Variants in CACNA2D3 observed in about 807,000 individuals in gnomAD.
CACNA2D3 encodes calcium voltage-gated channel auxiliary subunit alpha2delta 3.
CACNA2D3 carries 60 observed loss-of-function variants against 160.6 expected under a neutral mutation model. That is an observed-to-expected ratio of 0.37 (90% CI 0.30 to 0.46). The LOEUF (loss-of-function observed/expected upper bound fraction) is 0.46. Ranked by LOEUF, CACNA2D3 falls within the 20% of genes least tolerant of loss-of-function variation. The pLI is 1.00. For synonymous variants in CACNA2D3, 558 were observed against 492.9 expected, an observed-to-expected ratio of 1.13 and a Z score of -1.75; for missense variants, 1,205 against 1,365.0, an observed-to-expected ratio of 0.88 and a Z score of 1.85.
intron 13 of CACNA2D3, among the ~76,000 whole-genome samples, chr3:54,769,199 T>G (rs1361123814): frequency 6.6e-6 from 1 of 152,108 alleles, no homozygotes; most frequent in Non-Finnish European, 1.5e-5. Flanking sequence ...TTACCAACTT[T>G]GGAACCACCC....
chr3:54,359,565 C>T (rs1698708057), intron 3 of CACNA2D3, among the ~76,000 whole-genome samples: 1 of 152,156 alleles, frequency 6.6e-6, no homozygotes, highest in African/African-American at 2.4e-5. Flanking sequence ...TGGGAGTTCT[C>T]CAAGATATTT....
intron 27 of CACNA2D3, among the ~76,000 whole-genome samples, chr3:54,924,422 T>G (rs908419762): frequency 8.5e-5 from 13 of 152,224 alleles, no homozygotes; most frequent in African/African-American, 2.9e-4. Flanking sequence ...ATTTGTAGAT[T>G]AATTTCGAAC....
intron 13 of CACNA2D3, among the ~76,000 whole-genome samples, chr3:54,790,153 C>T (rs900276452): frequency 1.3e-5 from 2 of 152,160 alleles, no homozygotes; most frequent in Admixed American, 1.3e-4. Context: ...CTTGCTTTGC[C>T]ACTTAGCAGC....
At chr3:54,953,975 A>G (rs1575403867) in intron 27 of CACNA2D3, among the ~76,000 whole-genome samples, 1 of 152,206 alleles carries the variant, frequency 6.6e-6, no homozygotes, top group African/African-American at 2.4e-5. Context: ...TTCAGTCCAC[A>G]GATTTCAGGA....
intron 13 of CACNA2D3, among the ~76,000 whole-genome samples, chr3:54,812,373 G>A (rs1454751424): frequency 6.6e-6 from 1 of 152,192 alleles, no homozygotes; most frequent in Non-Finnish European, 1.5e-5. Flanking sequence ...ACAAGAGAGG[G>A]TAAACAAGTC....
intron 2 of CACNA2D3, among the ~76,000 whole-genome samples, chr3:54,314,328 C>A (rs1442449156): frequency 6.6e-6 from 1 of 152,156 alleles, no homozygotes; most frequent in Non-Finnish European, 1.5e-5. Flanking sequence ...TGGGTTGGTT[C>A]CACAATTTTC....
At chr3:54,461,384 C>T (rs373650180) in intron 4 of CACNA2D3, among the ~76,000 whole-genome samples, 2,950 of 151,094 alleles carry the variant, frequency 0.02, 98 homozygotes, top group East Asian at 0.1. Flanking sequence ...TGGTAGAATT[C>T]GGCTGTGAAT....
intron 27 of CACNA2D3, among the ~76,000 whole-genome samples, chr3:54,957,232 T>C (rs1355661230): frequency 6.6e-6 from 1 of 151,858 alleles, no homozygotes; most frequent in Non-Finnish European, 1.5e-5. Context: ...CAATCATAGC[T>C]CAATGCAGCC....
rs574817899 is a variant in CACNA2D3, at chr3:54,299,635, GAC to G, written c.205-20805_205-20804del. On this transcript the variant is annotated intron_variant, in intron 2 of 37. Transcript: ENST00000474759. ...GGAACACAAAATGAATGCAAGAAAA[GAC>G]AGATAAATTCAGGGCTCCTTTATTA... is the stretch of plus-strand genomic sequence containing the variant. Among the ~76,000 whole-genome samples, 184 of 152,294 alleles carry G rather than the reference GAC, an allele frequency of 1.2e-3. 1 individual carries two copies. Among genetic ancestry groups the G allele is most frequent in the African/African-American group, 4.2e-3 (174 of 41,556 alleles).
At chr3:54,643,398 A>C (rs1395081365) in intron 11 of CACNA2D3, among the ~76,000 whole-genome samples, 2 of 152,090 alleles carry the variant, frequency 1.3e-5, no homozygotes, top group East Asian at 1.9e-4. Flanking sequence ...CATTTTGTGC[A>C]ACATGGTCCC....
rs1704687126 is a variant in CACNA2D3, at chr3:55,067,487, T to A, written c.2988-5958T>A. Among the ~76,000 whole-genome samples, 5 of 152,360 alleles carry A rather than the reference T, an allele frequency of 3.3e-5. No homozygotes were observed. In the South Asian group the frequency reaches 1.0e-3, roughly 32 times the overall value. On this transcript the variant is annotated intron_variant, in intron 35 of 37. Coordinates refer to ENST00000474759, the MANE Select transcript of CACNA2D3 (RefSeq NM_018398.3). ...GTGGTAAGAGTTTACTTATCCTCGTTGAGTTTCAGTTTTCTCTTTTGTAAA... is the reference window on the plus strand; with the variant it reads ...GTGGTAAGAGTTTACTTATCCTCGTAGAGTTTCAGTTTTCTCTTTTGTAAA...
At chr3:54,896,674 G>T (rs1048734628) in intron 25 of CACNA2D3, 75 bp from the exon 26 acceptor site, 7 of 1,587,024 alleles carry the variant, frequency 4.4e-6, no homozygotes, top group Non-Finnish European at 6.1e-6. Context: ...ACCTGATGAA[G>T]GCTGTCGGGG....
chr3:54,141,087 G>GTGTGTGTGTGTGCGCA (rs1553731269), intron 2 of CACNA2D3, among the ~76,000 whole-genome samples: 1 of 119,728 alleles, frequency 8.4e-6, no homozygotes, highest in African/African-American at 3.5e-5. Context: ...GTGTGTGTGT[G>GTGTGTGTGTGTGCGCA]CGCGCGCGCG....
chr3:54,885,400 C>T, intron 22 of CACNA2D3, 74 bp downstream of exon 22: 2 of 1,603,816 alleles, frequency 1.2e-6, no homozygotes, highest in African/African-American at 2.7e-5. Flanking sequence ...GTTTGTGCTC[C>T]CTTGCCCAGT....
intron 2 of CACNA2D3, among the ~76,000 whole-genome samples, chr3:54,142,770 T>C (rs186417800): frequency 1.3e-5 from 2 of 152,312 alleles, no homozygotes; most frequent in East Asian, 3.9e-4. Flanking sequence ...AATATGTTAA[T>C]TGGCTTTCCC....
At chr3:54,568,228 C>T (rs977526468) in intron 6 of CACNA2D3, among the ~76,000 whole-genome samples, 2 of 152,116 alleles carry the variant, frequency 1.3e-5, no homozygotes, top group South Asian at 2.1e-4. Context: ...GGAGAGAACC[C>T]GTGGGATATA....
At chr3:54,226,312 CTTT>C (rs10677482) in intron 2 of CACNA2D3, among the ~76,000 whole-genome samples, 2 of 106,894 alleles carry the variant, frequency 1.9e-5, no homozygotes, top group Non-Finnish European at 1.8e-5. Flanking sequence ...GCCCCTGATG[CTTT>C]TTTTTTTTTT....
intron 12 of CACNA2D3, among the ~76,000 whole-genome samples, chr3:54,754,229 C>T (rs1281273641): frequency 3.9e-5 from 6 of 152,278 alleles, no homozygotes; most frequent in African/African-American, 1.4e-4. Flanking sequence ...TTACACATGG[C>T]CAAGAAGGCA....
chr3:54,773,841 C>T (rs79312585), intron 13 of CACNA2D3, among the ~76,000 whole-genome samples: 11,037 of 152,120 alleles, frequency 0.073, 685 homozygotes, highest in East Asian at 0.39. Context: ...TTATTATCTT[C>T]AGAAAAGATG....
Sources: gnomAD v4.1 joint callset for allele counts (sites outside exome capture counted in the v4.1 genomes callset) on GRCh38, gnomAD v4.1.1 for gene constraint, MANE v1.5 for transcripts, NCBI Gene and HGNC (gene_info 2026-07-23, HGNC 2026-07-21) for gene names.